The following FGFR1 variants were observed in gnomAD, a reference collection of about 807,000 sequenced individuals.
The protein encoded by FGFR1 is fibroblast growth factor receptor 1, also known as FGFR1/PLAG1 fusion.
In FGFR1, 18 loss-of-function variants were observed where a neutral mutation model predicts 93.7. The observed-to-expected ratio is 0.19, with a 90% CI of 0.13 to 0.28. The LOEUF (loss-of-function observed/expected upper bound fraction) is 0.28. Ranked by LOEUF, FGFR1 falls within the 10% of genes least tolerant of loss-of-function variation. The pLI, the probability that FGFR1 is intolerant of heterozygous loss-of-function variation, is 1.00. For synonymous variants in FGFR1, 448 were observed against 429.3 expected (o/e 1.04, Z -0.54); for missense variants, 731 against 1,080.4 (o/e 0.68, Z 4.53).
chr8:38,430,195 AAG>A (rs2150971162), intron 2 of FGFR1: 1 of 558,598 alleles, frequency 1.8e-6, no homozygotes, highest in Non-Finnish European at 3.2e-6. Flanking sequence ...CAAAGGAAGA[AAG>A]AGGCAAAGTT....
intron 2 of FGFR1, among the ~76,000 whole-genome samples, chr8:38,440,000 G>A (rs1237913020): frequency 6.6e-6 from 1 of 152,162 alleles, no homozygotes; most frequent in Non-Finnish European, 1.5e-5. Context: ...CCATGAGCAT[G>A]ATGTCTCAGG....
At chr8:38,418,818 G>A (rs1404654515) in intron 9 of FGFR1, 1 of 257,238 alleles carries the variant, frequency 3.9e-6, no homozygotes, top group East Asian at 9.5e-5. Flanking sequence ...GGGAAGGGTG[G>A]GCACACAGGG....
chr8:38,435,959 T>C (rs2411257), intron 2 of FGFR1, among the ~76,000 whole-genome samples: 28,917 of 152,202 alleles, frequency 0.19, 3,397 homozygotes, highest in East Asian at 0.36. Flanking sequence ...ATCTGTTTCC[T>C]GAGAGATGAG....
At chr8:38,460,202 A>C (rs975157996) in intron 1 of FGFR1, among the ~76,000 whole-genome samples, 1 of 152,134 alleles carries the variant, frequency 6.6e-6, no homozygotes, top group Non-Finnish European at 1.5e-5. Context: ...TAACTAAAAG[A>C]AAGACCCTTG....
chr8:38,427,954 T>A lies in FGFR1; in HGVS notation c.588A>T (p.Glu196Asp). The part of the protein sequence containing the change: ...PTLRWLKNGK[E>D]FKPDHRIGGY... ...CTCCAATTCTGTGGTCAGGTTTGAA[T>A]TCTTTGCCATTTTTCAACCAGCGCA... Residue 196 changes from glutamate to aspartate, a missense_variant, in exon 5 of 18, where the codon GAA becomes GAT. Coordinates refer to ENST00000447712, the MANE Select transcript of FGFR1 (RefSeq NM_023110.3). 1.2e-6 allele frequency: 2 copies of A among 1,614,266 alleles called. No individual in the cohort carries two copies. Among genetic ancestry groups the A allele is most frequent in the Non-Finnish European group, 1.7e-6 (2 of 1,180,056 alleles).
intron 2 of FGFR1, among the ~76,000 whole-genome samples, chr8:38,446,236 A>C (rs1829233662): frequency 7.0e-6 from 1 of 143,438 alleles, no homozygotes; most frequent in Admixed American, 7.1e-5. Flanking sequence ...TTTAAAGAGG[A>C]AGTCTTGCTA....
In FGFR1 at chr8:38,451,053, T is replaced by C. The variant is rs1478436008; in HGVS notation, c.91+6303A>G. 2.0e-5 allele frequency among the ~76,000 whole-genome samples: 3 copies of C among 152,300 alleles called. No homozygotes were observed. The South Asian group carries it at 6.2e-4, about 32-fold the overall frequency. On this transcript the variant is annotated intron_variant, in intron 2 of 17. Transcript: ENST00000447712. ...GCTGATCCTCTGGGGAAACCTGTTA[T>C]GAGCTTAGCACCTTGCAGATTTCTA...
At position 38,457,387 on chromosome 8, in the gene FGFR1, G is replaced by A. The variant is rs773868899; in HGVS notation, c.60C>T (p.Thr20=). 13 of 1,613,738 alleles carry A rather than the reference G, an allele frequency of 8.1e-6. No homozygotes were observed. Among genetic ancestry groups the A allele is most frequent in the East Asian group, 6.7e-5 (3 of 44,892 alleles). ...WAVLVTATLC[T]ARPSPTLPEQ... ...CAGGCAAGGTCGGGGACGGCCTAGC[G>A]GTGCAGAGTGTGGCTGTGACCAGCA... is the stretch of plus-strand genomic sequence containing the variant. The change falls in exon 2 of 18, where the codon ACC becomes ACT. Residue 20 remains threonine (T), a synonymous_variant. Coordinates refer to ENST00000447712, the MANE Select transcript of FGFR1 (RefSeq NM_023110.3).
chr8:38,433,892 C>CA (rs1159307262), intron 2 of FGFR1, among the ~76,000 whole-genome samples: 1 of 152,232 alleles, frequency 6.6e-6, no homozygotes, highest in Admixed American at 6.5e-5. Flanking sequence ...CCTCGCCCCT[C>CA]AAAAAATGCC....
In FGFR1 at chr8:38,414,769, C is replaced by A. The variant is rs770318743; in HGVS notation, c.1977+10G>T. Reference sequence around the variant, plus strand: ...AACCACCAGCACAGGGCGGCCTTGTCGGCACTCACGTTGGTTGTCTTTTTA... The same window carrying A: ...AACCACCAGCACAGGGCGGCCTTGTAGGCACTCACGTTGGTTGTCTTTTTA... On this transcript the variant is annotated intron_variant, in intron 14 of 17. Transcript: ENST00000447712. 1 of 1,613,938 alleles carries A rather than the reference C, an allele frequency of 6.2e-7. No individual in the cohort carries two copies. Among genetic ancestry groups the A allele is most frequent in the African/African-American group, 1.3e-5 (1 of 74,922 alleles).
At chr8:38,446,250 AG>A (rs1829244167) in intron 2 of FGFR1, among the ~76,000 whole-genome samples, 1 of 137,700 alleles carries the variant, frequency 7.3e-6, no homozygotes, top group Non-Finnish European at 1.5e-5. Flanking sequence ...CTTGCTATGT[AG>A]CCAGGCTGCA....
intron 1 of FGFR1, chr8:38,466,430 T>G (rs1179184659): frequency 4.3e-6 from 1 of 231,222 alleles, no homozygotes; most frequent in Non-Finnish European, 8.6e-6. Flanking sequence ...AGAGCCCCCC[T>G]AGTCTAGCGG....
At chr8:38,436,776 A>G (rs1422822340) in intron 2 of FGFR1, among the ~76,000 whole-genome samples, 1 of 152,076 alleles carries the variant, frequency 6.6e-6, no homozygotes, top group African/African-American at 2.4e-5. Context: ...GGTGCTTTCA[A>G]GTTCAGGAAC....
chr8:38,421,511 G>C (rs371518435), intron 8 of FGFR1: 1 of 496,440 alleles, frequency 2.0e-6, no homozygotes, highest in African/African-American at 1.9e-5. Flanking sequence ...TGGAGGAGTC[G>C]GGCTGCAGGG....
intron 4 of FGFR1, 66 bp downstream of exon 4, chr8:38,428,280 T>C: frequency 6.5e-7 from 1 of 1,547,276 alleles, no homozygotes; most frequent in Non-Finnish European, 8.9e-7. Flanking sequence ...CCTTTCAGCC[T>C]TCCCCTCCCC....
At chr8:38,417,206 C>T (rs1816966820) in intron 12 of FGFR1, 100 bp downstream of exon 12, 1 of 928,726 alleles carries the variant, frequency 1.1e-6, no homozygotes, top group South Asian at 1.3e-5. Context: ...CCTCTCTTAA[C>T]CCCCTTCCCT....
intron 1 of FGFR1, among the ~76,000 whole-genome samples, chr8:38,461,480 T>C (rs1161034198): frequency 6.6e-6 from 1 of 152,072 alleles, no homozygotes; most frequent in Non-Finnish European, 1.5e-5. Flanking sequence ...GCTAATTTTC[T>C]GTATATTTAA....
rs1236004959 is a variant in FGFR1 at position 38,411,376 on chromosome 8, CTGTGCGGTCTCAAA to C, written c.*2238_*2251del. ...CACTGTTTTACAAGGAAAGACACTC[CTGTGCGGTCTCAAA>C]GCAAATGCTTTTAAGAGCTAAAAAT... On this transcript the variant is annotated 3_prime_UTR_variant, in exon 18 of 18. Transcript: ENST00000447712. 2 of 220,432 alleles carry C rather than the reference CTGTGCGGTCTCAAA, an allele frequency of 9.1e-6. No homozygotes were observed. Among genetic ancestry groups the C allele is most frequent in the Non-Finnish European group, 1.8e-5 (2 of 110,080 alleles). 13.7% of individuals were successfully genotyped at this position (220,432 alleles called of 1,614,324 possible). A position where few individuals can be genotyped will look rare whatever the true frequency, so the allele number is the denominator to read the frequency against.
At chr8:38,450,016 T>A (rs1830549012) in intron 2 of FGFR1, among the ~76,000 whole-genome samples, 1 of 152,224 alleles carries the variant, frequency 6.6e-6, no homozygotes, top group African/African-American at 2.4e-5. Flanking sequence ...CCCTGCTACT[T>A]GGCTGCCACC....
Sources: gnomAD v4.1 joint callset for allele counts (sites outside exome capture counted in the v4.1 genomes callset) on GRCh38, gnomAD v4.1.1 for gene constraint, MANE v1.5 for transcripts, NCBI Gene and HGNC (gene_info 2026-07-23, HGNC 2026-07-21) for gene names.